OPRM1: variants seen among roughly 807,000 people sequenced by gnomAD.
OPRM1 encodes the protein opioid receptor mu 1, also known as mu-type opioid receptor.
In OPRM1, 27 loss-of-function variants were observed where a neutral mutation model predicts 31.8. The observed-to-expected ratio is 0.85, with a 90% CI of 0.63 to 1.17. The LOEUF is 1.17. OPRM1 is among the 50% of genes most tolerant of loss of function. OPRM1 has a pLI of 0.00. For missense variants in OPRM1, 536 were observed against 511.1 expected, an observed-to-expected ratio of 1.05 and a Z score of -0.47; for synonymous variants, 196 against 189.9, an observed-to-expected ratio of 1.03 and a Z score of -0.26.
intron 1 of OPRM1, among the ~76,000 whole-genome samples, chr6:154,053,540 G>C (rs1369036354): frequency 6.6e-6 from 1 of 152,194 alleles, no homozygotes; most frequent in Non-Finnish European, 1.5e-5. Context: ...CTGTCTAGCT[G>C]GGTAAAAAGG....
chr6:154,103,935 T>C (rs919350370), intron 3 of OPRM1, among the ~76,000 whole-genome samples: 2 of 152,216 alleles, frequency 1.3e-5, no homozygotes, highest in Non-Finnish European at 1.5e-5. Flanking sequence ...TGACTTAGAA[T>C]CCCTTCACTG....
chr6:154,149,635 T>TGTAG (rs141901247), intron 3 of OPRM1, among the ~76,000 whole-genome samples: 1 of 148,144 alleles, frequency 6.8e-6, no homozygotes, highest in African/African-American at 2.5e-5. Flanking sequence ...CGTGTGTGTG[T>TGTAG]AGAGAGAGAG....
At chr6:154,114,404 A>C (rs940933984) in intron 3 of OPRM1, among the ~76,000 whole-genome samples, 1 of 152,128 alleles carries the variant, frequency 6.6e-6, no homozygotes, top group East Asian at 1.9e-4. Flanking sequence ...ATAGAATATC[A>C]TCAATACAGT....
At chr6:154,105,182 C>G (rs1268121289) in intron 3 of OPRM1, among the ~76,000 whole-genome samples, 1 of 152,180 alleles carries the variant, frequency 6.6e-6, no homozygotes, top group African/African-American at 2.4e-5. Flanking sequence ...GTTAAGAATA[C>G]TCACAACTAG....
Position 154,072,404 on chromosome 6 carries a change from T to C in OPRM1, c.291-17422T>C, listed in dbSNP as rs1434801979. 2.6e-5 allele frequency among the ~76,000 whole-genome samples: 4 copies of C among 152,310 alleles called. No homozygotes were observed. The East Asian group carries it at 7.7e-4, about 29-fold the overall frequency. ...TATGTTACATAGCACTAAGATTTCA[T>C]GTGCAAGAATGCAAAAGGTTGAAAT... On this transcript the variant is annotated intron_variant, in intron 1 of 3. Transcript: ENST00000330432.
intron 3 of OPRM1, among the ~76,000 whole-genome samples, chr6:154,169,063 A>G (rs1448857437): frequency 6.8e-6 from 1 of 147,106 alleles, no homozygotes; most frequent in African/African-American, 2.5e-5. Flanking sequence ...CCAAAAGCTC[A>G]CCCAAATATC....
chr6:154,180,403 TATATA>T (rs1441085928), intron 3 of OPRM1, among the ~76,000 whole-genome samples: 596 of 42,830 alleles, frequency 0.014, 6 homozygotes, highest in African/African-American at 0.039. Context: ...TATATATATA[TATATA>T]TATATATTTT....
chr6:154,125,213 G>T lies in OPRM1; in HGVS notation c.*6492G>T, dbSNP rs950341799. 2.6e-5 allele frequency among the ~76,000 whole-genome samples: 4 copies of T among 152,242 alleles called. No individual in the cohort carries two copies. The East Asian group carries it at 7.7e-4, about 29-fold the overall frequency. On this transcript the variant is annotated 3_prime_UTR_variant, in exon 4 of 4. Coordinates refer to ENST00000330432, the MANE Select transcript of OPRM1 (RefSeq NM_000914.5). ...TATATCTTCATTTTCGATTTTGAAA[G>T]AACAGTAATACTAATTATATCCCAT... is the stretch of plus-strand genomic sequence containing the variant.
Position 154,224,834 on chromosome 6 carries a change from T to C in OPRM1, c.1165-21859T>C, listed in dbSNP as rs1779131810. On this transcript the variant is annotated intron_variant, in intron 3 of 3. Transcript: ENST00000337049. ...GTGAATATGTACTCATTCATATGTA[T>C]ATTATATATATGCAGCTTCTCTCTT... Among the ~76,000 whole-genome samples, 4 of 152,318 alleles carry C rather than the reference T, an allele frequency of 2.6e-5. 1 individual carries two copies. The South Asian group carries it at 8.3e-4, about 32-fold the overall frequency.
At chr6:154,018,540 T>C (rs149933840) in intron 1 of OPRM1, among the ~76,000 whole-genome samples, 2 of 150,934 alleles carry the variant, frequency 1.3e-5, no homozygotes, top group Non-Finnish European at 3.0e-5. Flanking sequence ...GCCCTGCATA[T>C]CAAAAATGTG....
intron 3 of OPRM1, among the ~76,000 whole-genome samples, chr6:154,245,670 C>T (rs1012733612): frequency 7.2e-5 from 11 of 152,256 alleles, no homozygotes; most frequent in Admixed American, 7.2e-4. Context: ...ATAAGCAACT[C>T]CTAAGTACTT....
chr6:154,039,120 T>A (rs1249498130), upstream of OPRM1: 3 of 1,532,090 alleles, frequency 2.0e-6, no homozygotes, highest in Non-Finnish European at 2.6e-6. Context: ...AGACTAACTC[T>A]ATCTCTCTCC....
chr6:154,221,332 G>T, intron 3 of OPRM1: 1 of 1,613,276 alleles, frequency 6.2e-7, no homozygotes, highest in Non-Finnish European at 8.5e-7. Context: ...AAAAGCACTT[G>T]AAGGAGGAAA....
chr6:154,208,142 G>T (rs1233159084), intron 3 of OPRM1, among the ~76,000 whole-genome samples: 1 of 151,994 alleles, frequency 6.6e-6, no homozygotes, highest in Non-Finnish European at 1.5e-5. Context: ...CCTTTCAAAG[G>T]CTCCCTAAAG....
chr6:154,187,246 C>A (rs9479784), intron 3 of OPRM1, among the ~76,000 whole-genome samples: 8,551 of 152,192 alleles, frequency 0.056, 284 homozygotes, highest in African/African-American at 0.065. Flanking sequence ...CCACCCCATA[C>A]CCCACCTCTG....
At chr6:154,170,190 G>A (rs903540958) in intron 3 of OPRM1, among the ~76,000 whole-genome samples, 3 of 152,032 alleles carry the variant, frequency 2.0e-5, no homozygotes, top group Admixed American at 1.3e-4. Flanking sequence ...TTTATTCCTT[G>A]GAAGAAAGCT....
At chr6:154,138,952 C>A (rs888392428) in intron 3 of OPRM1, among the ~76,000 whole-genome samples, 1 of 152,174 alleles carries the variant, frequency 6.6e-6, no homozygotes, top group African/African-American at 2.4e-5. Flanking sequence ...GATCTTGTGA[C>A]CCCACCCAGG....
intron 3 of OPRM1, among the ~76,000 whole-genome samples, chr6:154,175,085 C>T (rs1035643324): frequency 8.2e-4 from 125 of 152,192 alleles, no homozygotes; most frequent in Admixed American, 3.8e-3. Flanking sequence ...GGGTAAATAA[C>T]AAAATGAAGG....
intron 3 of OPRM1, among the ~76,000 whole-genome samples, chr6:154,213,573 A>T (rs996716648): frequency 6.6e-6 from 1 of 152,180 alleles, no homozygotes; most frequent in South Asian, 2.1e-4. Context: ...TTTTGTTATC[A>T]GAAGATATAA....
Sources: gnomAD v4.1 joint callset for allele counts (sites outside exome capture counted in the v4.1 genomes callset) on GRCh38, gnomAD v4.1.1 for gene constraint, MANE v1.5 for transcripts, NCBI Gene and HGNC (gene_info 2026-07-23, HGNC 2026-07-21) for gene names.